NAA25: variants seen among roughly 807,000 people sequenced by gnomAD.
The protein encoded by NAA25 is N-alpha-acetyltransferase 25, NatB auxiliary subunit, also known as N-terminal acetyltransferase B complex subunit NAA25.
A neutral mutation model predicts 132.5 loss-of-function variants in NAA25; 30 were observed. The ratio of observed to expected loss-of-function variants is 0.23; its 90% CI spans 0.17 to 0.31. The LOEUF (loss-of-function observed/expected upper bound fraction) is 0.31, where lower values mean the gene tolerates loss of function less well. Ranked by LOEUF, NAA25 falls within the 10% of genes least tolerant of loss-of-function variation. The probability of loss-of-function intolerance (pLI) is 1.00; values close to 1 mark genes in which losing one functional copy is unlikely to be tolerated. For missense variants in NAA25, 771 were observed against 1,150.4 expected, an observed-to-expected ratio of 0.67 and a Z score of 4.77; for synonymous variants, 359 against 401.9, an observed-to-expected ratio of 0.89 and a Z score of 1.28.
rs940431122 is a variant in NAA25, at chr12:112,027,377, A to C, written c.*2154T>G. 8 of 152,508 alleles carry C rather than the reference A, an allele frequency of 5.2e-5. No individual in the cohort carries two copies. Among genetic ancestry groups the C allele is most frequent in the African/African-American group, 1.9e-4 (8 of 41,412 alleles). 9.4% of individuals were successfully genotyped at this position (152,508 alleles called of 1,614,324 possible). A position where few individuals can be genotyped will look rare whatever the true frequency, so the allele number is the denominator to read the frequency against. On this transcript the variant is annotated 3_prime_UTR_variant, in exon 24 of 24. Transcript: ENST00000261745. Reference sequence around the variant, plus strand: ...TACATGAGGGTTTCCAAAAGAACAGATTGATAAGAGATATTGGCCATTTCT... The same window carrying C: ...TACATGAGGGTTTCCAAAAGAACAGCTTGATAAGAGATATTGGCCATTTCT...
chr12:112,108,395 C>G (rs552840676), intron 1 of NAA25, among the ~76,000 whole-genome samples: 1 of 152,246 alleles, frequency 6.6e-6, no homozygotes, highest in Non-Finnish European at 1.5e-5. Context: ...GATCTCCGGT[C>G]TCCCTAGGAG....
chr12:112,045,782 C>CA (rs2078372502), intron 17 of NAA25, among the ~76,000 whole-genome samples: 1 of 151,946 alleles, frequency 6.6e-6, no homozygotes, highest in South Asian at 2.1e-4. Context: ...GCGACAGAGA[C>CA]AGACTAGGTC....
At chr12:112,104,911 A>C (rs939902892) in intron 1 of NAA25, among the ~76,000 whole-genome samples, 2 of 151,820 alleles carry the variant, frequency 1.3e-5, no homozygotes, top group African/African-American at 4.8e-5. Flanking sequence ...CCAGCTACTC[A>C]GGAGGCTGAG....
At chr12:112,066,140 C>G (rs1392081690) in intron 11 of NAA25, among the ~76,000 whole-genome samples, 2 of 152,212 alleles carry the variant, frequency 1.3e-5, no homozygotes, top group East Asian at 3.9e-4. Context: ...TCAAACACAC[C>G]AATGAAGTAG....
intron 1 of NAA25, among the ~76,000 whole-genome samples, chr12:112,108,106 C>T: frequency 6.6e-6 from 1 of 152,084 alleles, no homozygotes; most frequent in East Asian, 1.9e-4. Context: ...AAGACCCCCT[C>T]CCCCCGCCTC....
chr12:112,078,620 C>T lies in NAA25; in HGVS notation c.585+14G>A, dbSNP rs2078926731. On this transcript the variant is annotated intron_variant, in intron 6 of 23. Coordinates refer to ENST00000261745, the MANE Select transcript of NAA25 (RefSeq NM_024953.4). ...AAAAAATGAAAACACAAAAGTAAGG[C>T]TTAAAATACTCACTTCAGCCTCAGC... The T allele has an allele frequency of 6.2e-7, 1 of 1,601,818 alleles. No individual in the cohort carries two copies. Among genetic ancestry groups the T allele is most frequent in the East Asian group, 2.2e-5 (1 of 44,786 alleles).
chr12:112,053,781 C>T (rs918940482), intron 14 of NAA25, 124 bp from the exon 15 acceptor site: 36 of 350,342 alleles, frequency 1.0e-4, no homozygotes, highest in Non-Finnish European at 1.8e-4. Context: ...AACACTAAAA[C>T]ATACTCCCAC....
intron 23 of NAA25, among the ~76,000 whole-genome samples, chr12:112,031,594 A>G (rs1190122768): frequency 1.3e-5 from 2 of 152,200 alleles, no homozygotes; most frequent in African/African-American, 2.4e-5. Context: ...GATAACCTCT[A>G]GAACTCTGAA....
intron 5 of NAA25, among the ~76,000 whole-genome samples, chr12:112,079,456 G>A (rs2078939070): frequency 6.6e-6 from 1 of 152,014 alleles, no homozygotes; most frequent in South Asian, 2.1e-4. Flanking sequence ...CTAGGTGTGT[G>A]TGGTGGTGCA....
At chr12:112,060,432 G>C in intron 12 of NAA25, 73 bp from the exon 13 acceptor site, 1 of 972,192 alleles carries the variant, frequency 1.0e-6, no homozygotes. Flanking sequence ...GTTTTTAAAA[G>C]CAGGAAAGTG....
At chr12:112,052,988 T>C (rs993345979) in intron 15 of NAA25, among the ~76,000 whole-genome samples, 2 of 152,260 alleles carry the variant, frequency 1.3e-5, no homozygotes, top group African/African-American at 2.4e-5. Flanking sequence ...AGCCCAAGTC[T>C]GCTTGCAGTG....
intron 15 of NAA25, among the ~76,000 whole-genome samples, chr12:112,051,026 C>T (rs1051825187): frequency 1.3e-5 from 2 of 152,128 alleles, no homozygotes; most frequent in African/African-American, 2.4e-5. Flanking sequence ...ATAAAAGATG[C>T]ATAGTATAGA....
At chr12:112,065,788 G>C (rs1260264402) in intron 11 of NAA25, 1 of 152,166 alleles carries the variant, frequency 6.6e-6, no homozygotes, top group Non-Finnish European at 1.5e-5. Flanking sequence ...TGAACTCACT[G>C]GCTCACTCTT....
chr12:112,074,896 T>C lies in NAA25; in HGVS notation c.777-132A>G, dbSNP rs12299370. On this transcript the variant is annotated intron_variant, in intron 8 of 23. Coordinates refer to ENST00000261745, the MANE Select transcript of NAA25 (RefSeq NM_024953.4). ...AGTAGGTTGGCTTACCCCCACCCAC[T>C]CCATGTTTCCTTTGCAAATCTAAAA... 5 of 537,442 alleles carry C rather than the reference T, an allele frequency of 9.3e-6. No homozygotes were observed. In the Admixed American group the frequency reaches 1.5e-4, roughly 16 times the overall value. 33.3% of individuals were successfully genotyped at this position (537,442 alleles called of 1,614,324 possible). A position where few individuals can be genotyped will look rare whatever the true frequency, so the allele number is the denominator to read the frequency against.
intron 9 of NAA25, among the ~76,000 whole-genome samples, chr12:112,072,615 A>G (rs1227161786): frequency 2.7e-5 from 4 of 148,584 alleles, no homozygotes; most frequent in African/African-American, 9.8e-5. Flanking sequence ...TCTCAAAAAA[A>G]AAAAAAAGAA....
At chr12:112,070,721 G>A (rs2078792642) in intron 10 of NAA25, among the ~76,000 whole-genome samples, 1 of 151,736 alleles carries the variant, frequency 6.6e-6, no homozygotes, top group Admixed American at 6.6e-5. Context: ...AGACACAGGT[G>A]CACGACACCA....
intron 22 of NAA25, among the ~76,000 whole-genome samples, chr12:112,035,675 A>G (rs1179285060): frequency 7.5e-6 from 1 of 132,710 alleles, no homozygotes; most frequent in Non-Finnish European, 1.5e-5. Context: ...CTGAAACATC[A>G]ACTTTCTTTT....
chr12:112,048,149 C>T (rs2078414412), intron 16 of NAA25, 143 bp downstream of exon 16: 4 of 762,800 alleles, frequency 5.2e-6, no homozygotes, highest in Non-Finnish European at 8.2e-6. Flanking sequence ...TGACATGTGC[C>T]AAGTTCTGTT....
Position 112,060,192 on chromosome 12 carries a change from T to C in NAA25, c.1447+78A>G, listed in dbSNP as rs543483440. ...TAAATAAAATTTGTGGATTGTAAAA[T>C]TAGTCTAATGAAAGAATGCAGTACT... On this transcript the variant is annotated intron_variant, in intron 13 of 23. Transcript: ENST00000261745. The C allele has an allele frequency of 3.3e-6, 3 of 911,238 alleles. No homozygotes were observed. In the East Asian group the frequency reaches 7.6e-5, roughly 23 times the overall value. The allele number at this position is 911,238 out of a possible 1,614,324, so 56.4% of individuals were successfully genotyped here.
Sources: allele counts gnomAD v4.1 joint callset (sites outside exome capture counted in the v4.1 genomes callset), GRCh38; gene constraint gnomAD v4.1.1; transcripts MANE v1.5; gene names NCBI Gene and HGNC (gene_info 2026-07-23, HGNC 2026-07-21).